The following ZFAND3 variants were observed in gnomAD, a reference collection of about 807,000 sequenced individuals.
The protein encoded by ZFAND3 is AN1-type zinc finger protein 3.
ZFAND3 carries 10 observed loss-of-function variants against 29.6 expected under a neutral mutation model. The observed-to-expected ratio is 0.34, with a 90% CI of 0.21 to 0.57. The LOEUF is 0.57. Ranked by LOEUF, ZFAND3 falls within the 20% of genes least tolerant of loss-of-function variation. ZFAND3 has a pLI of 0.86. For synonymous variants in ZFAND3, 128 were observed against 112.6 expected (o/e 1.14, Z -0.87); for missense variants, 230 against 304.5 (o/e 0.76, Z 1.82).
At chr6:37,999,526 A>G (rs1227893005) in intron 2 of ZFAND3, among the ~76,000 whole-genome samples, 3 of 152,198 alleles carry the variant, frequency 2.0e-5, no homozygotes, top group Non-Finnish European at 2.9e-5. Flanking sequence ...GATAATTCAT[A>G]TTGATTGCAT....
chr6:37,920,607 C>G lies in ZFAND3; in HGVS notation c.72-9352C>G, dbSNP rs1761359931. 2.6e-5 allele frequency among the ~76,000 whole-genome samples: 4 copies of G among 152,260 alleles called. No homozygotes were observed. The South Asian group carries it at 6.2e-4, about 24-fold the overall frequency. Reference sequence around the variant, plus strand: ...TAAAACCACTGCTAATTACAGTAACCCACTTGGAATCTAAATTGTTACATT... The same window carrying G: ...TAAAACCACTGCTAATTACAGTAACGCACTTGGAATCTAAATTGTTACATT... On this transcript the variant is annotated intron_variant, in intron 1 of 5. Transcript: ENST00000287218.
chr6:37,866,536 G>A (rs1018961667), intron 1 of ZFAND3, among the ~76,000 whole-genome samples: 2 of 152,334 alleles, frequency 1.3e-5, no homozygotes, highest in East Asian at 3.9e-4. Context: ...TTAAAGGGAA[G>A]TTTGAAATTA....
chr6:38,130,074 T>G (rs954413817), intron 5 of ZFAND3, among the ~76,000 whole-genome samples: 6 of 114,436 alleles, frequency 5.2e-5, no homozygotes, highest in African/African-American at 1.4e-4. Flanking sequence ...ATTTTGATGG[T>G]TTTTTTTGTT....
intron 2 of ZFAND3, 131 bp from the exon 3 acceptor site, chr6:38,061,462 G>T: frequency 8.8e-7 from 1 of 1,141,272 alleles, no homozygotes; most frequent in Non-Finnish European, 1.2e-6. Context: ...TACTCCCATG[G>T]TTTTTTAGTC....
In ZFAND3 at chr6:38,153,033, A is replaced by C. The variant is rs1766266955; in HGVS notation, c.*644A>C. ...AAACTCATCACACAAGAAGAGAAAC[A>C]GTAACCTCACTTTGAAAATTAGCTC... On this transcript the variant is annotated 3_prime_UTR_variant, in exon 6 of 6. Transcript: ENST00000287218. 2 of 985,722 alleles carry C rather than the reference A, an allele frequency of 2.0e-6. No individual in the cohort carries two copies. Among genetic ancestry groups the C allele is most frequent in the South Asian group, 4.7e-5 (1 of 21,296 alleles). 61.1% of individuals were successfully genotyped at this position (985,722 alleles called of 1,614,324 possible). A position where few individuals can be genotyped will look rare whatever the true frequency, so the allele number is the denominator to read the frequency against.
chr6:37,855,184 G>T (rs1764358708), intron 1 of ZFAND3, among the ~76,000 whole-genome samples: 1 of 141,350 alleles, frequency 7.1e-6, no homozygotes, highest in Admixed American at 7.3e-5. Context: ...TCACTCTGTT[G>T]CCCAGGCTGG....
chr6:37,955,412 C>T (rs976884559), intron 2 of ZFAND3, among the ~76,000 whole-genome samples: 2 of 152,090 alleles, frequency 1.3e-5, no homozygotes, highest in African/African-American at 4.8e-5. Flanking sequence ...AGGGACTTTC[C>T]GCTGTCCTGT....
chr6:38,091,855 AGGATAAAGT>A lies in ZFAND3; in HGVS notation c.361+9400_361+9408del, dbSNP rs140004265. ...TTACTGCTCATCAGCAATTATAAAC[AGGATAAAGT>A]GTCTGGGACTTGCGCTGATGCAGCG... On this transcript the variant is annotated intron_variant, in intron 4 of 5. Coordinates refer to ENST00000287218, the MANE Select transcript of ZFAND3 (RefSeq NM_021943.3). 0.017 allele frequency among the ~76,000 whole-genome samples: 2,561 copies of A among 152,258 alleles called. 243 individuals carry two copies. In the East Asian group the frequency reaches 0.28, roughly 16 times the overall value.
At position 37,828,513 on chromosome 6, in the gene ZFAND3, C is replaced by T. The variant is rs535112246; in HGVS notation, c.71+8497C>T. On this transcript the variant is annotated intron_variant, in intron 1 of 5. Transcript: ENST00000287218. ...GTAGTATAGTTATTCTTAAACTAGT[C>T]ATAAGAGTATTAACTAGCAATAAAT... Among the ~76,000 whole-genome samples, 58 of 152,218 alleles carry T rather than the reference C, an allele frequency of 3.8e-4. 2 individuals carry two copies. The highest frequency in any genetic ancestry group is 3.4e-3 in the Middle Eastern group (1 of 294).
chr6:37,899,653 G>A (rs893646100), intron 1 of ZFAND3, among the ~76,000 whole-genome samples: 2 of 152,144 alleles, frequency 1.3e-5, no homozygotes, highest in Non-Finnish European at 1.5e-5. Flanking sequence ...TGTTTTAGAC[G>A]TTAGAGATGC....
rs547103177 is a variant in ZFAND3 at position 38,073,558 on chromosome 6, A to G, written c.296-8834A>G. Among the ~76,000 whole-genome samples the G allele has an allele frequency of 5.9e-5, 9 of 152,288 alleles. No individual in the cohort carries two copies. The East Asian group carries it at 1.5e-3, about 26-fold the overall frequency. The stretch of plus-strand genomic sequence containing the variant: ...AAATATGCTTTGTCACAAGAGAAAA[A>G]CAAAACAGTGTCTAAAATTAGTACT... On this transcript the variant is annotated intron_variant, in intron 3 of 5. Transcript: ENST00000287218.
At chr6:37,859,474 T>G (rs1764441273) in intron 1 of ZFAND3, among the ~76,000 whole-genome samples, 1 of 152,262 alleles carries the variant, frequency 6.6e-6, no homozygotes, top group African/African-American at 2.4e-5. Flanking sequence ...CCAGAGACTT[T>G]GTTGCTCTTT....
intron 1 of ZFAND3, among the ~76,000 whole-genome samples, chr6:37,877,925 C>A (rs1045049249): frequency 6.6e-6 from 1 of 152,158 alleles, no homozygotes; most frequent in African/African-American, 2.4e-5. Context: ...ATCAGACTTA[C>A]ACAATGCAAA....
At chr6:38,144,220 T>A (rs1483582450) in intron 5 of ZFAND3, among the ~76,000 whole-genome samples, 1 of 74,942 alleles carries the variant, frequency 1.3e-5, no homozygotes, top group Non-Finnish European at 2.8e-5. Context: ...TAATATATAA[T>A]ATATATATAT....
intron 1 of ZFAND3, among the ~76,000 whole-genome samples, chr6:37,860,550 A>G (rs1446305466): frequency 6.6e-6 from 1 of 151,360 alleles, no homozygotes; most frequent in African/African-American, 2.4e-5. Flanking sequence ...AGGGGGTATC[A>G]TTTTGAGTAA....
At chr6:37,831,028 C>T (rs11964671) in intron 1 of ZFAND3, among the ~76,000 whole-genome samples, 19,801 of 152,116 alleles carry the variant, frequency 0.13, 2,100 homozygotes, top group African/African-American at 0.3. Context: ...TCTCTTATCT[C>T]CAGAAAACCA....
At chr6:37,974,754 G>A (rs1024682657) in intron 2 of ZFAND3, among the ~76,000 whole-genome samples, 13 of 152,152 alleles carry the variant, frequency 8.5e-5, no homozygotes, top group Non-Finnish European at 1.8e-4. Context: ...ATTCATCTAT[G>A]TTGTTGTCTA....
chr6:38,086,290 A>C (rs923654879), intron 4 of ZFAND3, among the ~76,000 whole-genome samples: 1 of 152,196 alleles, frequency 6.6e-6, no homozygotes, highest in African/African-American at 2.4e-5. Context: ...CACGATGATC[A>C]TTTTGGTATT....
chr6:38,116,484 G>T, intron 4 of ZFAND3, 88 bp from the exon 5 acceptor site: 2 of 1,470,060 alleles, frequency 1.4e-6, no homozygotes, highest in Non-Finnish European at 9.3e-7. Context: ...CAGTAGCCTG[G>T]TCAGGAGAAT....
Sources: allele counts gnomAD v4.1 joint callset (sites outside exome capture counted in the v4.1 genomes callset), GRCh38; gene constraint gnomAD v4.1.1; transcripts MANE v1.5; gene names NCBI Gene and HGNC (gene_info 2026-07-23, HGNC 2026-07-21).